RAD51B: variants seen among roughly 807,000 people sequenced by gnomAD.
RAD51B encodes the protein RAD51 paralog B.
A neutral mutation model predicts 42.2 loss-of-function variants in RAD51B; 38 were observed. The observed-to-expected ratio is 0.90, with a 90% CI of 0.70 to 1.18. The LOEUF (loss-of-function observed/expected upper bound fraction) is 1.18. RAD51B is among the 50% of genes most tolerant of loss of function. The probability of loss-of-function intolerance (pLI) is 0.00; values close to 1 mark genes in which losing one functional copy is unlikely to be tolerated. For synonymous variants in RAD51B, 154 were observed against 145.2 expected (o/e 1.06, Z -0.43); for missense variants, 373 against 400.7 (o/e 0.93, Z 0.59).
At chr14:67,946,907 G>A (rs2045415156) in intron 7 of RAD51B, among the ~76,000 whole-genome samples, 1 of 152,128 alleles carries the variant, frequency 6.6e-6, no homozygotes, top group Admixed American at 6.6e-5. Flanking sequence ...GTTAACTATG[G>A]TTCTAGATAG....
chr14:68,373,325 G>A lies in RAD51B; in HGVS notation c.854-38099G>A, dbSNP rs73276204. On this transcript the variant is annotated intron_variant, in intron 8 of 10. Coordinates refer to ENST00000471583, the MANE Select transcript of RAD51B (RefSeq NM_133510.4). ...GAGGCCAGAGAGGTTTAAATGGCTT[G>A]TTCAAGGCCACATATCTAGGAAGTG... Among the ~76,000 whole-genome samples, 1,350 of 152,260 alleles carry A rather than the reference G, an allele frequency of 8.9e-3. 20 individuals carry two copies. The highest frequency in any genetic ancestry group is 0.032 in the African/African-American group (1,310 of 41,544).
intron 4 of RAD51B, among the ~76,000 whole-genome samples, chr14:67,848,644 A>T (rs2041704001): frequency 6.6e-6 from 1 of 152,026 alleles, no homozygotes; most frequent in African/African-American, 2.4e-5. Flanking sequence ...GCTGGTTGTT[A>T]TGTAGACTTG....
At position 68,609,259 on chromosome 14, in the gene RAD51B, C is replaced by T. The variant is rs753528119; in HGVS notation, c.1037-1747C>T. On this transcript the variant is annotated intron_variant, in intron 10 of 10. Transcript: ENST00000487861. Reference sequence around the variant, plus strand: ...CGGCTGCCAGGCCCCAGAGGAGGTGCGGCTGCAGGCCCAGCACAGGCTGAG... The same window carrying T: ...CGGCTGCCAGGCCCCAGAGGAGGTGTGGCTGCAGGCCCAGCACAGGCTGAG... 3.9e-5 allele frequency among the ~76,000 whole-genome samples: 6 copies of T among 152,206 alleles called. No homozygotes were observed. In the South Asian group the frequency reaches 6.2e-4, roughly 16 times the overall value.
chr14:68,069,780 T>G (rs1388454770), intron 7 of RAD51B: 2 of 152,154 alleles, frequency 1.3e-5, no homozygotes, highest in African/African-American at 4.8e-5. Context: ...GAATGATTTA[T>G]TAATACATTT....
chr14:68,292,117 G>A (rs2081529647), intron 8 of RAD51B, 137 bp downstream of exon 8: 4 of 738,092 alleles, frequency 5.4e-6, no homozygotes, highest in East Asian at 5.3e-5. Flanking sequence ...GTTGATTTAG[G>A]TTTGGCCACC....
At chr14:68,365,280 C>G (rs543733646) in intron 8 of RAD51B, among the ~76,000 whole-genome samples, 10 of 152,156 alleles carry the variant, frequency 6.6e-5, no homozygotes, top group Admixed American at 5.2e-4. Context: ...TTCGGCTGTC[C>G]GGTGAGGAAA....
intron 5 of RAD51B, among the ~76,000 whole-genome samples, chr14:67,884,501 C>A (rs1368624381): frequency 3.9e-5 from 6 of 152,178 alleles, no homozygotes; most frequent in African/African-American, 7.2e-5. Context: ...TAGCTGACTT[C>A]TCTGACCAGC....
chr14:68,249,941 G>A (rs1028294633), intron 7 of RAD51B, among the ~76,000 whole-genome samples: 9 of 152,220 alleles, frequency 5.9e-5, no homozygotes, highest in African/African-American at 2.2e-4. Flanking sequence ...AGGCTTTGAA[G>A]CCAGGGGAAG....
chr14:68,445,748 A>G (rs1337796860), intron 9 of RAD51B, among the ~76,000 whole-genome samples: 1 of 152,216 alleles, frequency 6.6e-6, no homozygotes, highest in Admixed American at 6.5e-5. Flanking sequence ...AGTTTCAAGT[A>G]GTATCATCCT....
At chr14:68,521,509 G>A (rs1886578460) in intron 10 of RAD51B, among the ~76,000 whole-genome samples, 1 of 152,212 alleles carries the variant, frequency 6.6e-6, no homozygotes, top group African/African-American at 2.4e-5. Context: ...TAGGTATTAG[G>A]AAGAGAGCAA....
At chr14:67,913,970 T>G (rs1465281320) in intron 7 of RAD51B, among the ~76,000 whole-genome samples, 1 of 151,626 alleles carries the variant, frequency 6.6e-6, no homozygotes, top group East Asian at 1.9e-4. Context: ...ATTTTACTCT[T>G]TATCTCCATG....
chr14:67,942,654 C>A (rs1275167323), intron 7 of RAD51B, among the ~76,000 whole-genome samples: 1 of 152,110 alleles, frequency 6.6e-6, no homozygotes, highest in African/African-American at 2.4e-5. Flanking sequence ...CGTGAAGTAG[C>A]AGGAGTAACG....
chr14:68,172,117 T>C (rs2140859573), intron 7 of RAD51B, among the ~76,000 whole-genome samples: 1 of 152,340 alleles, frequency 6.6e-6, no homozygotes, highest in Non-Finnish European at 1.5e-5. Context: ...ATACATTCCT[T>C]TCTAGTAAAT....
intron 10 of RAD51B, chr14:68,628,424 A>G (rs1035673864): frequency 6.6e-6 from 1 of 152,232 alleles, no homozygotes; most frequent in Non-Finnish European, 1.5e-5. Flanking sequence ...GGCCCAGCAC[A>G]GTGCTTGGGG....
At chr14:67,927,213 GTTT>G in intron 7 of RAD51B, among the ~76,000 whole-genome samples, 1 of 152,032 alleles carries the variant, frequency 6.6e-6, no homozygotes, top group South Asian at 2.1e-4. Flanking sequence ...ATGGATATTT[GTTT>G]TTTTCTCTTT....
At chr14:67,940,079 T>A (rs28470475) in intron 7 of RAD51B, among the ~76,000 whole-genome samples, 4 of 75,372 alleles carry the variant, frequency 5.3e-5, no homozygotes, top group African/African-American at 1.7e-4. Context: ...TTTTTTTTTT[T>A]TTTTTTTTTT....
At chr14:67,918,478 A>G (rs548412496) in intron 7 of RAD51B, among the ~76,000 whole-genome samples, 3 of 152,278 alleles carry the variant, frequency 2.0e-5, no homozygotes, top group Admixed American at 6.5e-5. Context: ...CAGTTGATTC[A>G]TCTGCCTCGG....
chr14:67,862,965 A>G (rs1358890474), intron 4 of RAD51B, among the ~76,000 whole-genome samples: 1 of 151,912 alleles, frequency 6.6e-6, no homozygotes, highest in Non-Finnish European at 1.5e-5. Context: ...GGCTGTACTA[A>G]ATTTTGTTTT....
intron 8 of RAD51B, among the ~76,000 whole-genome samples, chr14:68,360,580 T>C (rs1197132356): frequency 6.6e-6 from 1 of 152,200 alleles, no homozygotes; most frequent in African/African-American, 2.4e-5. Context: ...CCAACAACTC[T>C]ACATCGTATA....
Sources: gnomAD v4.1 joint callset for allele counts (sites outside exome capture counted in the v4.1 genomes callset) on GRCh38, gnomAD v4.1.1 for gene constraint, MANE v1.5 for transcripts, NCBI Gene and HGNC (gene_info 2026-07-23, HGNC 2026-07-21) for gene names.